Variants in ATL1 observed in about 807,000 individuals in gnomAD.
The protein encoded by ATL1 is atlastin GTPase 1, also known as atlastin-1.
Under a neutral mutation model 75.5 loss-of-function variants are expected in ATL1, and 31 were observed. The observed-to-expected ratio is 0.41, with a 90% CI of 0.31 to 0.55. ATL1 has a LOEUF of 0.55. Ranked by LOEUF, ATL1 falls within the 20% of genes least tolerant of loss-of-function variation. The pLI is 0.27. For missense variants in ATL1, 405 were observed against 662.6 expected (o/e 0.61, Z 4.27); for synonymous variants, 226 against 233.3 (o/e 0.97, Z 0.28).
intron 6 of ATL1, among the ~76,000 whole-genome samples, chr14:50,596,774 A>G (rs905386927): frequency 6.6e-6 from 1 of 152,266 alleles, no homozygotes; most frequent in Non-Finnish European, 1.5e-5. Context: ...AAATACTGCA[A>G]ATTGAGTGCT....
At chr14:50,597,732 T>A (rs1470129510) in intron 6 of ATL1, among the ~76,000 whole-genome samples, 2 of 152,180 alleles carry the variant, frequency 1.3e-5, no homozygotes, top group Non-Finnish European at 2.9e-5. Flanking sequence ...TCTCACTCTG[T>A]CGCCCAGGCT....
upstream of ATL1, among the ~76,000 whole-genome samples, chr14:50,558,053 T>G (rs1317252261): frequency 6.6e-6 from 1 of 152,198 alleles, no homozygotes; most frequent in African/African-American, 2.4e-5. Flanking sequence ...TTCCATTAAT[T>G]TATAGAGGGA....
intron 1 of ATL1, among the ~76,000 whole-genome samples, chr14:50,550,706 G>A (rs1021830160): frequency 2.6e-5 from 4 of 152,128 alleles, no homozygotes; most frequent in Non-Finnish European, 5.9e-5. Flanking sequence ...TATCTTCTCA[G>A]ACCACAGTGA....
At chr14:50,625,911 AAAG>A (rs1453224846) in intron 11 of ATL1, among the ~76,000 whole-genome samples, 1 of 151,506 alleles carries the variant, frequency 6.6e-6, no homozygotes, top group African/African-American at 2.4e-5. Context: ...CAAAAAAAAA[AAAG>A]AAAAAAAAAA....
At chr14:50,574,913 G>A (rs868088158) in intron 1 of ATL1, among the ~76,000 whole-genome samples, 619 of 35,826 alleles carry the variant, frequency 0.017, 1 homozygote, top group Admixed American at 0.025. Flanking sequence ...TACTGAGTGT[G>A]TGTGTGTGTG....
chr14:50,617,439 T>G (rs1400575804), intron 8 of ATL1, among the ~76,000 whole-genome samples: 1 of 152,202 alleles, frequency 6.6e-6, no homozygotes, highest in Non-Finnish European at 1.5e-5. Flanking sequence ...AGCCACATTA[T>G]AAGATGTGGA....
At chr14:50,606,346 G>A (rs1288545084) in intron 6 of ATL1, among the ~76,000 whole-genome samples, 1 of 151,808 alleles carries the variant, frequency 6.6e-6, no homozygotes, top group Non-Finnish European at 1.5e-5. Flanking sequence ...AATTAGTGTT[G>A]TTTAATAGAA....
At chr14:50,602,268 G>C (rs2039278265) in intron 6 of ATL1, among the ~76,000 whole-genome samples, 1 of 152,148 alleles carries the variant, frequency 6.6e-6, no homozygotes, top group Non-Finnish European at 1.5e-5. Context: ...GTGTGTGCTT[G>C]TCACTCTTGT....
At chr14:50,580,943 GTTCAT>G (rs1445491403) in intron 1 of ATL1, among the ~76,000 whole-genome samples, 1 of 151,736 alleles carries the variant, frequency 6.6e-6, no homozygotes, top group Non-Finnish European at 1.5e-5. Context: ...CTTTTAATTT[GTTCAT>G]TTCATCAGAG....
intron 1 of ATL1, among the ~76,000 whole-genome samples, chr14:50,583,291 AAAATTGTATT>A (rs1413297242): frequency 3.3e-5 from 5 of 152,250 alleles, no homozygotes; most frequent in African/African-American, 1.2e-4. Context: ...TCATTATTTG[AAAATTGTATT>A]TCTGTTTCTA....
intron 1 of ATL1, among the ~76,000 whole-genome samples, chr14:50,534,055 T>A (rs2038459883): frequency 3.9e-5 from 6 of 152,256 alleles, no homozygotes. Context: ...TTGGCTTCGA[T>A]GACTCAAAAT....
chr14:50,624,748 AAAGG>A (rs1437076822), intron 11 of ATL1, among the ~76,000 whole-genome samples: 1 of 152,028 alleles, frequency 6.6e-6, no homozygotes, highest in Non-Finnish European at 1.5e-5. Context: ...TGTTGGATGC[AAAGG>A]AAGAGTTCTT....
chr14:50,610,310 A>G (rs1252863974), intron 6 of ATL1, among the ~76,000 whole-genome samples: 1 of 152,126 alleles, frequency 6.6e-6, no homozygotes, highest in Non-Finnish European at 1.5e-5. Flanking sequence ...AGAGTTTTCC[A>G]TAGCAATATT....
intron 1 of ATL1, among the ~76,000 whole-genome samples, chr14:50,546,377 T>C (rs138961513): frequency 6.6e-6 from 1 of 152,200 alleles, no homozygotes; most frequent in East Asian, 1.9e-4. Flanking sequence ...TGTGTGTGTG[T>C]GTGCGTGTGT....
rs35044504 is a variant in ATL1, at chr14:50,613,333, C to T, written c.705C>T (p.Phe235=). ...FSYGADGGAK[F]LEKRLKVSGN... is the part of the protein sequence containing the mutation. ...ATGGAGCCGATGGTGGTGCCAAATT[C>T]TTGGAAAAACGCCTCAAGGTTTGTT... Residue 235 remains phenylalanine (F), a synonymous_variant, in exon 7 of 14, where the codon TTC becomes TTT. Coordinates refer to ENST00000358385, the MANE Select transcript of ATL1 (RefSeq NM_015915.5). 6,752 of 1,612,768 alleles carry T rather than the reference C, an allele frequency of 4.2e-3. 226 individuals carry two copies. The African/African-American group carries it at 0.078, about 19-fold the overall frequency.
intron 6 of ATL1, among the ~76,000 whole-genome samples, chr14:50,605,939 C>G (rs952027141): frequency 6.6e-6 from 1 of 152,040 alleles, no homozygotes. Flanking sequence ...GCCTTCTGAT[C>G]TAGCAGTTTT....
chr14:50,552,394 A>C (rs1269990789), intron 1 of ATL1, among the ~76,000 whole-genome samples: 3 of 152,378 alleles, frequency 2.0e-5, no homozygotes, highest in East Asian at 3.9e-4. Context: ...AACACATCCC[A>C]TGCTCATGAA....
intron 1 of ATL1, among the ~76,000 whole-genome samples, chr14:50,585,370 C>T (rs531511580): frequency 2.0e-5 from 3 of 152,244 alleles, no homozygotes; most frequent in Admixed American, 2.0e-4. Context: ...TTTTCTGCCC[C>T]AAAGCTGTTT....
chr14:50,595,389 T>TG lies in ATL1; in HGVS notation c.574-186dup, dbSNP rs1453589940. ...CTTAAATATCTAATTGCCATGGCTC[T>TG]GCTTTACCTATCCAATGCTTATTTC... On this transcript the variant is annotated intron_variant, in intron 5 of 13. Transcript: ENST00000358385. Among the ~76,000 whole-genome samples, 7 of 152,370 alleles carry TG rather than the reference T, an allele frequency of 4.6e-5. No individual in the cohort carries two copies. The East Asian group carries it at 1.3e-3, about 29-fold the overall frequency.
Sources: allele counts gnomAD v4.1 joint callset (sites outside exome capture counted in the v4.1 genomes callset), GRCh38; gene constraint gnomAD v4.1.1; transcripts MANE v1.5; gene names NCBI Gene and HGNC (gene_info 2026-07-23, HGNC 2026-07-21).